The following CTPS2 variants were observed in gnomAD, a reference collection of about 807,000 sequenced individuals.
CTPS2 encodes the protein CTP synthase II.
A neutral mutation model predicts 46.8 loss-of-function variants in CTPS2; 19 were observed. That is an observed-to-expected ratio of 0.41 (90% CI 0.28 to 0.60). The LOEUF (loss-of-function observed/expected upper bound fraction) is 0.60. Among genes scored for constraint, CTPS2 ranks in the 20% least tolerant of loss-of-function variants. The pLI is 0.35. For missense variants in CTPS2, 286 were observed against 447.6 expected (o/e 0.64, Z 3.26); for synonymous variants, 151 against 165.2 (o/e 0.91, Z 0.66).
At chrX:16,654,378 T>C in intron 13 of CTPS2, 1 of 1,015,309 alleles carries the variant, frequency 9.8e-7, no homozygotes, top group Non-Finnish European at 1.3e-6. Flanking sequence ...TCCCCTCCCT[T>C]CTCCCATCCT....
chrX:16,658,210 C>CAAAAAAAAAAA (rs57586081), intron 13 of CTPS2, among the ~76,000 whole-genome samples: 1 of 90,491 alleles, frequency 1.1e-5, no homozygotes. Context: ...GACTCTATCT[C>CAAAAAAAAAAA]AAAAAAAAAA....
chrX:16,641,929 G>A (rs1373589383), intron 13 of CTPS2, among the ~76,000 whole-genome samples: 1 of 111,313 alleles, frequency 9.0e-6, no homozygotes, highest in African/African-American at 3.3e-5. Context: ...CAACAAAGCG[G>A]GAGAAGTCTA....
intron 13 of CTPS2, among the ~76,000 whole-genome samples, chrX:16,647,255 CTTTTTTTTTTTTTT>C (rs746634342): frequency 5.0e-5 from 2 of 39,766 alleles, no homozygotes; most frequent in African/African-American, 1.0e-4. Flanking sequence ...TGGGCCCATT[CTTTTTTTTTTTTTT>C]TTTTTTTTTT....
At chrX:16,617,520 A>G (rs1422488563) in intron 15 of CTPS2, among the ~76,000 whole-genome samples, 1 of 112,106 alleles carries the variant, frequency 8.9e-6, no homozygotes, top group Non-Finnish European at 1.9e-5. Context: ...TGGAACCTTG[A>G]GACTAGTTAT....
intron 16 of CTPS2, among the ~76,000 whole-genome samples, chrX:16,613,737 C>T (rs774119869): frequency 9.0e-6 from 1 of 110,565 alleles, no homozygotes; most frequent in Non-Finnish European, 1.9e-5. Flanking sequence ...ACCACAGGCA[C>T]GAACCACCAT....
chrX:16,691,188 G>A (rs963572973), intron 7 of CTPS2, among the ~76,000 whole-genome samples: 9 of 111,992 alleles, frequency 8.0e-5, no homozygotes, highest in Admixed American at 3.8e-4. Context: ...GCGTGGTGGC[G>A]CATGCCTATA....
intron 13 of CTPS2, among the ~76,000 whole-genome samples, chrX:16,646,599 C>T (rs747319625): frequency 8.9e-6 from 1 of 112,707 alleles, no homozygotes; most frequent in Non-Finnish European, 1.9e-5. Context: ...AGGTGACAAG[C>T]AAGCTATACT....
chrX:16,690,150 C>T (rs1192109299), intron 7 of CTPS2, among the ~76,000 whole-genome samples: 1 of 110,005 alleles, frequency 9.1e-6, no homozygotes, highest in Non-Finnish European at 1.9e-5. Flanking sequence ...GCAGGCGGAT[C>T]ATCTGAGGTC....
At chrX:16,630,547 C>T (rs1268251579) in intron 14 of CTPS2, among the ~76,000 whole-genome samples, 1 of 110,781 alleles carries the variant, frequency 9.0e-6, no homozygotes, top group African/African-American at 3.3e-5. Flanking sequence ...AGCCACCGCG[C>T]CCGGCCCTGT....
intron 4 of CTPS2, among the ~76,000 whole-genome samples, chrX:16,697,523 A>T (rs1453250865): frequency 2.0e-5 from 2 of 99,398 alleles, no homozygotes; most frequent in Admixed American, 2.4e-4. Context: ...TGCTCTCTGC[A>T]GCCTCAACCT....
intron 1 of CTPS2, chrX:16,712,057 C>A (rs1216147624): frequency 9.4e-6 from 1 of 106,886 alleles, no homozygotes; most frequent in Non-Finnish European, 1.9e-5. Flanking sequence ...AAGCGCGTCC[C>A]GGGGACGCGC....
intron 9 of CTPS2, among the ~76,000 whole-genome samples, chrX:16,681,623 G>A (rs1315262060): frequency 9.0e-6 from 1 of 111,212 alleles, no homozygotes; most frequent in African/African-American, 3.3e-5. Flanking sequence ...ATAGCTCACC[G>A]CAGTATCAAA....
intron 1 of CTPS2, among the ~76,000 whole-genome samples, chrX:16,705,476 T>C (rs755849810): frequency 1.8e-5 from 2 of 112,033 alleles, no homozygotes; most frequent in Non-Finnish European, 3.8e-5. Context: ...TTAACTGAAA[T>C]TCATTTAAAT....
At chrX:16,693,631 T>A (rs1366403436) in intron 4 of CTPS2, 144 bp from the exon 5 acceptor site, 6 of 462,952 alleles carry the variant, frequency 1.3e-5, no homozygotes, top group Non-Finnish European at 1.1e-5. Context: ...ACGTTCAAAA[T>A]CACTAAATTG....
chrX:16,632,472 A>G (rs1419274056), intron 14 of CTPS2, among the ~76,000 whole-genome samples: 1 of 106,092 alleles, frequency 9.4e-6, no homozygotes, highest in Non-Finnish European at 1.9e-5. Context: ...CCTAGGCTGG[A>G]GTGCAGTGGC....
In CTPS2 at chrX:16,706,556, T is replaced by C. The variant is rs769586684; in HGVS notation, c.-39-3615A>G. Among the ~76,000 whole-genome samples, 4 of 110,724 alleles carry C rather than the reference T, an allele frequency of 3.6e-5. No individual in the cohort carries two copies. The South Asian group carries it at 1.5e-3, about 42-fold the overall frequency. The stretch of plus-strand genomic sequence containing the variant: ...CTGGCCAACATGATGAAACCCTGTC[T>C]CTACTAAAAAATACAAAAGTTAGGC... On this transcript the variant is annotated intron_variant, in intron 1 of 18. Transcript: ENST00000359276.
intron 9 of CTPS2, among the ~76,000 whole-genome samples, chrX:16,681,729 T>A (rs1474796860): frequency 9.0e-6 from 1 of 110,580 alleles, no homozygotes; most frequent in Non-Finnish European, 1.9e-5. Context: ...AAGTTTTTTT[T>A]ATAGAGATGA....
intron 13 of CTPS2, among the ~76,000 whole-genome samples, chrX:16,646,729 CT>C (rs1410927090): frequency 1.8e-5 from 2 of 112,188 alleles, no homozygotes; most frequent in Admixed American, 1.9e-4. Context: ...GGTACTAACA[CT>C]GTACCCTCTT....
intron 17 of CTPS2, among the ~76,000 whole-genome samples, chrX:16,591,222 T>G (rs2147151486): frequency 1.8e-5 from 2 of 112,088 alleles, no homozygotes; most frequent in East Asian, 5.6e-4. Flanking sequence ...CCACCTTAAC[T>G]ATTGCTTGCT....
Sources: gnomAD v4.1 joint callset for allele counts (sites outside exome capture counted in the v4.1 genomes callset) on GRCh38, gnomAD v4.1.1 for gene constraint, MANE v1.5 for transcripts, NCBI Gene and HGNC (gene_info 2026-07-23, HGNC 2026-07-21) for gene names.